Variants in HEG1 observed in about 807,000 individuals in gnomAD.
HEG1 encodes protein HEG homolog 1.
HEG1 carries 56 observed loss-of-function variants against 125.6 expected under a neutral mutation model. The ratio of observed to expected loss-of-function variants is 0.45; its 90% confidence interval spans 0.36 to 0.56. The LOEUF (loss-of-function observed/expected upper bound fraction) is 0.56, where lower values mean the gene tolerates loss of function less well. Ranked by LOEUF, HEG1 falls within the 20% of genes least tolerant of loss-of-function variation. HEG1 has a pLI of 0.00. For synonymous variants in HEG1, 644 were observed against 668.5 expected, an observed-to-expected ratio of 0.96 and a Z score of 0.57; for missense variants, 1,523 against 1,670.0, an observed-to-expected ratio of 0.91 and a Z score of 1.53.
intron 1 of HEG1, among the ~76,000 whole-genome samples, chr3:125,040,318 G>A (rs1937583913): frequency 6.6e-6 from 1 of 152,202 alleles, no homozygotes; most frequent in African/African-American, 2.4e-5. Context: ...AAGAGCCAGT[G>A]ACAGAGACGC....
At position 124,977,963 on chromosome 3, in the gene HEG1, C is replaced by T. The variant is rs1560014504; in HGVS notation, c.3734-17G>A. The stretch of plus-strand genomic sequence containing the variant: ...GCTGATAGGCTAAACGTAAAACAAA[C>T]AAAAAAGCATATTGGCTGGAGGTAA... On this transcript the variant is annotated splice_polypyrimidine_tract_variant and intron_variant, in intron 14 of 16. Transcript: ENST00000311127. The T allele has an allele frequency of 1.3e-6, 2 of 1,540,582 alleles. No individual in the cohort carries two copies. Among genetic ancestry groups the T allele is most frequent in the South Asian group, 2.4e-5 (2 of 83,628 alleles).
chr3:124,984,391 T>A (rs1349404648), intron 14 of HEG1, among the ~76,000 whole-genome samples: 2 of 151,914 alleles, frequency 1.3e-5, no homozygotes, highest in African/African-American at 4.8e-5. Context: ...TGGAAAAAAA[T>A]GTCTGTGGCC....
rs187678522 is a variant in HEG1 at position 125,027,466 on chromosome 3, C to T, written c.652G>A (p.Asp218Asn). 9.9e-6 allele frequency: 16 copies of T among 1,613,268 alleles called. No individual in the cohort carries two copies. Among genetic ancestry groups the T allele is most frequent in the South Asian group, 7.7e-5 (7 of 90,830 alleles). ...LHLPSSSSEF[D>N]ERIAAFQTKS... is the part of the protein sequence containing the mutation. ...GTTTGAAAAGCGGCAATTCTTTCAT[C>T]GAACTCTGAACTGCTGGATGGCAGG... is the stretch of plus-strand genomic sequence containing the variant. The change falls in exon 3 of 17, where the codon GAT becomes AAT. Residue 218 changes from aspartate to asparagine, a missense_variant. By Grantham distance (23) the Asp-to-Asn change is conservative. Coordinates refer to ENST00000311127, the MANE Select transcript of HEG1 (RefSeq NM_020733.2).
chr3:125,022,585 A>T (rs965171487), intron 3 of HEG1, among the ~76,000 whole-genome samples: 2 of 152,160 alleles, frequency 1.3e-5, no homozygotes, highest in Non-Finnish European at 2.9e-5. Flanking sequence ...AGAAACAGAA[A>T]GACCTGGACA....
intron 14 of HEG1, among the ~76,000 whole-genome samples, chr3:124,988,872 G>A (rs1474752396): frequency 6.6e-5 from 10 of 152,128 alleles, no homozygotes; most frequent in Admixed American, 2.6e-4. Flanking sequence ...AGCCGAGATC[G>A]TGCCACTGAA....
intron 11 of HEG1, among the ~76,000 whole-genome samples, chr3:124,999,125 G>A (rs2107695041): frequency 6.6e-6 from 1 of 152,252 alleles, no homozygotes; most frequent in Middle Eastern, 3.4e-3. Flanking sequence ...TGAGTCCTGA[G>A]AACTCAGGAC....
At chr3:124,980,989 G>C (rs1396025941) in intron 14 of HEG1, among the ~76,000 whole-genome samples, 1 of 151,692 alleles carries the variant, frequency 6.6e-6, no homozygotes, top group Non-Finnish European at 1.5e-5. Flanking sequence ...CAAGCAGCTG[G>C]GACCACGGGC....
chr3:124,998,054 T>C (rs904934693), intron 11 of HEG1, among the ~76,000 whole-genome samples: 20 of 152,148 alleles, frequency 1.3e-4, no homozygotes, highest in Admixed American at 2.6e-4. Context: ...GTGTTCCCCG[T>C]TGAAAACACC....
intron 12 of HEG1, among the ~76,000 whole-genome samples, chr3:124,995,996 C>G (rs773224546): frequency 6.6e-6 from 1 of 152,192 alleles, no homozygotes; most frequent in African/African-American, 2.4e-5. Flanking sequence ...CTCTGCCCAC[C>G]TTGTGTCATC....
chr3:124,973,110 C>T (rs1375359024), intron 16 of HEG1, among the ~76,000 whole-genome samples: 1 of 152,002 alleles, frequency 6.6e-6, no homozygotes, highest in East Asian at 1.9e-4. Context: ...CAACCTCTGC[C>T]TCCCCAACTC....
chr3:125,049,925 A>G (rs1471521109), intron 1 of HEG1, among the ~76,000 whole-genome samples: 1 of 152,112 alleles, frequency 6.6e-6, no homozygotes, highest in Non-Finnish European at 1.5e-5. Context: ...TGTGGATGGG[A>G]TGAAAACAAA....
intron 14 of HEG1, among the ~76,000 whole-genome samples, chr3:124,986,565 T>C (rs528918657): frequency 3.9e-5 from 6 of 152,204 alleles, no homozygotes; most frequent in Non-Finnish European, 7.3e-5. Context: ...ATTAACTGTC[T>C]TGCAACACTG....
chr3:125,014,672 C>A (rs1419692473), intron 5 of HEG1: 3 of 1,207,170 alleles, frequency 2.5e-6, no homozygotes, highest in Non-Finnish European at 3.2e-6. Context: ...AATAGATGAG[C>A]TGAAGGGATG....
intron 1 of HEG1, among the ~76,000 whole-genome samples, chr3:125,031,672 T>C (rs113167705): frequency 6.7e-5 from 9 of 133,512 alleles, no homozygotes; most frequent in Non-Finnish European, 9.4e-5. Flanking sequence ...CACACACACA[T>C]ACATACATAC....
chr3:124,997,275 C>T (rs567977063), intron 12 of HEG1, among the ~76,000 whole-genome samples: 3 of 152,280 alleles, frequency 2.0e-5, no homozygotes, highest in South Asian at 2.1e-4. Flanking sequence ...GAGGCAGAGT[C>T]GGGCTCTGAC....
intron 1 of HEG1, among the ~76,000 whole-genome samples, chr3:125,037,638 G>T (rs767739791): frequency 3.9e-5 from 6 of 152,246 alleles, no homozygotes; most frequent in Admixed American, 6.5e-5. Context: ...TGCAGCCACT[G>T]CTGGGCCCTG....
rs200704143 is a variant in HEG1 at position 125,002,013 on chromosome 3, C to A, written c.3357-1G>T. 6.2e-7 allele frequency: 1 copy of A among 1,613,858 alleles called. No homozygotes were observed. Among genetic ancestry groups the A allele is most frequent in the Non-Finnish European group, 8.5e-7 (1 of 1,179,834 alleles). ...TGAGATCACCACCGCGTTGGACTCC[C>A]TATAGGCAAAGTTTGTGGGTTTTTA... On this transcript the variant is annotated splice_acceptor_variant, in intron 10 of 16. Coordinates refer to ENST00000311127, the MANE Select transcript of HEG1 (RefSeq NM_020733.2). LOFTEE classifies it high-confidence loss of function.
In HEG1 at chr3:125,005,293, T is replaced by C; in HGVS notation, c.3269A>G (p.Gln1090Arg). 1 of 1,599,004 alleles carries C rather than the reference T, an allele frequency of 6.3e-7. No individual in the cohort carries two copies. The change falls in exon 9 of 17, where the codon CAA becomes CGA. Residue 1090 changes from glutamine to arginine, a missense_variant. Coordinates refer to ENST00000311127, the MANE Select transcript of HEG1 (RefSeq NM_020733.2). ...NTTVEKHSDL[Q>R]EVENEITKTL... ...TTTGGTGATCTCATTTTCAACTTCT[T>C]GTAGGTCTGAATGTTTTTCCACAGT...
chr3:125,040,601 T>A (rs1335215163), intron 1 of HEG1, among the ~76,000 whole-genome samples: 1 of 152,164 alleles, frequency 6.6e-6, no homozygotes, highest in Non-Finnish European at 1.5e-5. Context: ...AATATAACAT[T>A]GTCTTAGATA....
Sources: allele counts gnomAD v4.1 joint callset (sites outside exome capture counted in the v4.1 genomes callset), GRCh38; gene constraint gnomAD v4.1.1; transcripts MANE v1.5; gene names NCBI Gene and HGNC (gene_info 2026-07-23, HGNC 2026-07-21).